The following ANKRD6 variants were observed in gnomAD, a reference collection of about 807,000 sequenced individuals.
ANKRD6 encodes ankyrin repeat domain 6, also known as ankyrin repeat domain-containing protein 6.
Under a neutral mutation model 82.3 loss-of-function variants are expected in ANKRD6, and 56 were observed. The observed-to-expected ratio is 0.68, with a 90% CI of 0.55 to 0.85. The LOEUF (loss-of-function observed/expected upper bound fraction) is 0.85, where lower values mean the gene tolerates loss of function less well. Ranked by LOEUF, ANKRD6 falls within the 40% of genes least tolerant of loss-of-function variation. ANKRD6 has a pLI of 0.00. For missense variants in ANKRD6, 852 were observed against 907.6 expected, an observed-to-expected ratio of 0.94 and a Z score of 0.79; for synonymous variants, 347 against 352.1, an observed-to-expected ratio of 0.99 and a Z score of 0.16.
chr6:89,612,997 C>G (rs1800607642), intron 6 of ANKRD6, among the ~76,000 whole-genome samples: 1 of 152,250 alleles, frequency 6.6e-6, no homozygotes, highest in African/African-American at 2.4e-5. Flanking sequence ...ATCTAATGCT[C>G]TGAACCTCAG....
At chr6:89,591,172 C>T (rs1045701755) in intron 2 of ANKRD6, among the ~76,000 whole-genome samples, 3 of 152,178 alleles carry the variant, frequency 2.0e-5, no homozygotes, top group African/African-American at 7.2e-5. Flanking sequence ...GGTGCGATCA[C>T]AGCTCACTGC....
At chr6:89,564,338 G>C (rs1225965207) in intron 1 of ANKRD6, among the ~76,000 whole-genome samples, 1 of 152,070 alleles carries the variant, frequency 6.6e-6, no homozygotes, top group Non-Finnish European at 1.5e-5. Context: ...ATAGAAGGGT[G>C]TTTCTGCTTG....
intron 2 of ANKRD6, among the ~76,000 whole-genome samples, chr6:89,571,015 A>G (rs1207513403): frequency 2.0e-5 from 3 of 152,150 alleles, no homozygotes; most frequent in Non-Finnish European, 4.4e-5. Flanking sequence ...AAGGGTTCCC[A>G]CTTTTCCACA....
chr6:89,473,285 C>A (rs1360254570), intron 1 of ANKRD6, among the ~76,000 whole-genome samples: 1 of 151,968 alleles, frequency 6.6e-6, no homozygotes, highest in Non-Finnish European at 1.5e-5. Context: ...GCGGCGTATG[C>A]CCATAATCCC....
intron 1 of ANKRD6, among the ~76,000 whole-genome samples, chr6:89,436,508 A>G (rs1770655468): frequency 6.6e-6 from 1 of 152,214 alleles, no homozygotes; most frequent in South Asian, 2.1e-4. Context: ...ACACCCAGTC[A>G]GGGGGTCCAA....
chr6:89,621,755 C>T, intron 9 of ANKRD6, 167 bp from the exon 10 acceptor site: 1 of 669,756 alleles, frequency 1.5e-6, no homozygotes, highest in Admixed American at 2.3e-5. Flanking sequence ...CAGGACAAGA[C>T]CTAGGAGGAT....
chr6:89,543,576 G>A (rs1163389825), intron 1 of ANKRD6, among the ~76,000 whole-genome samples: 1 of 152,162 alleles, frequency 6.6e-6, no homozygotes, highest in Non-Finnish European at 1.5e-5. Flanking sequence ...CCCGCCTGTG[G>A]CCTGTGATCC....
At chr6:89,582,971 T>A (rs1456248810) in intron 2 of ANKRD6, among the ~76,000 whole-genome samples, 3 of 152,328 alleles carry the variant, frequency 2.0e-5, no homozygotes, top group Non-Finnish European at 2.9e-5. Flanking sequence ...GAGTCAGCTG[T>A]CCTTGGAGAC....
At chr6:89,479,248 C>A (rs1562595510) in intron 1 of ANKRD6, among the ~76,000 whole-genome samples, 2 of 152,156 alleles carry the variant, frequency 1.3e-5, no homozygotes, top group African/African-American at 2.4e-5. Context: ...TTTTGAAGAA[C>A]CACTGGGAGC....
At chr6:89,531,524 GCAGCAACATCTCA>G (rs1783145648) in intron 1 of ANKRD6, among the ~76,000 whole-genome samples, 1 of 152,224 alleles carries the variant, frequency 6.6e-6, no homozygotes, top group Admixed American at 6.5e-5. Context: ...CATGCTGCTT[GCAGCAACATCTCA>G]CAGCAATATC....
At chr6:89,493,865 T>C (rs182871456) in intron 1 of ANKRD6, among the ~76,000 whole-genome samples, 161 of 152,324 alleles carry the variant, frequency 1.1e-3, no homozygotes, top group African/African-American at 3.8e-3. Flanking sequence ...AAGGTAATAC[T>C]GACAGGTTTC....
chr6:89,518,809 G>A (rs769433901), intron 1 of ANKRD6, among the ~76,000 whole-genome samples: 4 of 152,182 alleles, frequency 2.6e-5, no homozygotes, highest in African/African-American at 4.8e-5. Context: ...TGGTTTGCTA[G>A]GGCTGCCATT....
At chr6:89,529,934 A>G (rs1401172391) in intron 1 of ANKRD6, among the ~76,000 whole-genome samples, 1 of 152,214 alleles carries the variant, frequency 6.6e-6, no homozygotes, top group Non-Finnish European at 1.5e-5. Context: ...CACTGATCAC[A>G]GAGCGCCATA....
chr6:89,611,409 T>C lies in ANKRD6; in HGVS notation c.418-863T>C, dbSNP rs560680849. 3.9e-4 allele frequency among the ~76,000 whole-genome samples: 59 copies of C among 152,340 alleles called. No homozygotes were observed. In the South Asian group the frequency reaches 0.012, roughly 31 times the overall value. On this transcript the variant is annotated intron_variant, in intron 5 of 15. Coordinates refer to ENST00000339746, the MANE Select transcript of ANKRD6 (RefSeq NM_001242809.2). ...TCCTGAGTGCTTGCAGGCTCTTGGA[T>C]GACACAATGTCACCTATCACACGGC...
chr6:89,546,873 A>G (rs1339222029), intron 1 of ANKRD6, among the ~76,000 whole-genome samples: 1 of 152,194 alleles, frequency 6.6e-6, no homozygotes, highest in Non-Finnish European at 1.5e-5. Flanking sequence ...TTCCAAGATG[A>G]GCGCCTGCAG....
intron 1 of ANKRD6, among the ~76,000 whole-genome samples, chr6:89,485,554 A>G (rs899321610): frequency 6.6e-6 from 1 of 152,218 alleles, no homozygotes; most frequent in Non-Finnish European, 1.5e-5. Context: ...AACAAAGGGC[A>G]GCTGCCTCTT....
At chr6:89,587,538 G>T (rs1177723843) in intron 2 of ANKRD6, among the ~76,000 whole-genome samples, 1 of 152,040 alleles carries the variant, frequency 6.6e-6, no homozygotes, top group Non-Finnish European at 1.5e-5. Flanking sequence ...CAATTGTTAG[G>T]AATAACTGAT....
chr6:89,485,454 C>T (rs949064717), intron 1 of ANKRD6, among the ~76,000 whole-genome samples: 9 of 152,124 alleles, frequency 5.9e-5, no homozygotes, highest in African/African-American at 2.2e-4. Flanking sequence ...TTTTGGTTGG[C>T]TTTGGATTAT....
At chr6:89,615,034 C>T (rs145889226) in intron 7 of ANKRD6, among the ~76,000 whole-genome samples, 20 of 152,142 alleles carry the variant, frequency 1.3e-4, no homozygotes, top group Non-Finnish European at 2.4e-4. Context: ...TGAATATTAC[C>T]GTCTTCCTTA....
Sources: allele counts gnomAD v4.1 joint callset (sites outside exome capture counted in the v4.1 genomes callset), GRCh38; gene constraint gnomAD v4.1.1; transcripts MANE v1.5; gene names NCBI Gene and HGNC (gene_info 2026-07-23, HGNC 2026-07-21).